Variants in SRBD1 observed in about 807,000 individuals in gnomAD.
SRBD1 encodes S1 RNA binding domain 1.
In SRBD1, 88 loss-of-function variants were observed where a neutral mutation model predicts 115.3. The observed-to-expected ratio is 0.76, with a 90% CI of 0.64 to 0.91. The LOEUF (loss-of-function observed/expected upper bound fraction) is 0.91, where lower values mean the gene tolerates loss of function less well. Ranked by LOEUF, SRBD1 falls within the 40% of genes least tolerant of loss-of-function variation. SRBD1 has a pLI of 0.00. For synonymous variants in SRBD1, 509 were observed against 407.7 expected (o/e 1.25, Z -2.99); for missense variants, 1,385 against 1,177.4 (o/e 1.18, Z -2.58).
Position 45,474,230 on chromosome 2 carries a change from T to A in SRBD1, c.2049+2763A>T, listed in dbSNP as rs534279926. Among the ~76,000 whole-genome samples the A allele has an allele frequency of 7.2e-5, 11 of 152,356 alleles. No individual in the cohort carries two copies. The East Asian group carries it at 2.1e-3, about 29-fold the overall frequency. ...ACTTATTCATTGTCTCACTCGCTAT[T>A]ACTTTTTGTTTATTAAGTTTGGTGC... On this transcript the variant is annotated intron_variant, in intron 16 of 20. Coordinates refer to ENST00000263736, the MANE Select transcript of SRBD1 (RefSeq NM_018079.5).
At chr2:45,473,320 T>C (rs1558418728) in intron 16 of SRBD1, among the ~76,000 whole-genome samples, 1 of 152,210 alleles carries the variant, frequency 6.6e-6, no homozygotes, top group Non-Finnish European at 1.5e-5. Flanking sequence ...CTTTTTCTTC[T>C]ACTCTCCCAT....
At chr2:45,586,352 T>C (rs1673521467) in intron 4 of SRBD1, among the ~76,000 whole-genome samples, 2 of 152,136 alleles carry the variant, frequency 1.3e-5, no homozygotes, top group African/African-American at 2.4e-5. Flanking sequence ...AAATATGTTA[T>C]GCCCATACTA....
rs547259233 is a variant in SRBD1, at chr2:45,434,603, G to T, written c.2050-14709C>A. On this transcript the variant is annotated intron_variant, in intron 16 of 20. Transcript: ENST00000263736. ...AGATTTCCTATACAATCAATTATGT[G>T]TTAGAATCAATTTAATCAATCACCT... 1.5e-3 allele frequency among the ~76,000 whole-genome samples: 229 copies of T among 152,148 alleles called. 1 individual carries two copies. Among genetic ancestry groups the T allele is most frequent in the African/African-American group, 5.4e-3 (225 of 41,502 alleles).
At chr2:45,528,127 A>T (rs374391845) in intron 14 of SRBD1, among the ~76,000 whole-genome samples, 7 of 151,922 alleles carry the variant, frequency 4.6e-5, no homozygotes, top group African/African-American at 1.7e-4. Context: ...ACTGTTGATT[A>T]CATAATTCTT....
intron 19 of SRBD1, among the ~76,000 whole-genome samples, chr2:45,396,210 A>AAT (rs1233860585): frequency 1.3e-5 from 2 of 152,146 alleles, no homozygotes; most frequent in African/African-American, 2.4e-5. Context: ...TGCCACACAC[A>AAT]ATATATATGT....
rs755145942 is a variant in SRBD1 at position 45,574,727 on chromosome 2, T to C, written c.1073-4A>G. The C allele has an allele frequency of 1.2e-6, 2 of 1,605,056 alleles. No homozygotes were observed. The highest frequency in any genetic ancestry group is 2.7e-5 in the African/African-American group (2 of 74,316). ...ATATCCTGAAGCGTTGAAAGCCCTTTAGGAGAAGGGTAAAAAGGAAAACAA... is the reference window on the plus strand; with the variant it reads ...ATATCCTGAAGCGTTGAAAGCCCTTCAGGAGAAGGGTAAAAAGGAAAACAA... On this transcript the variant is annotated splice_region_variant and splice_polypyrimidine_tract_variant and intron_variant, in intron 7 of 20. Coordinates refer to ENST00000263736, the MANE Select transcript of SRBD1 (RefSeq NM_018079.5).
intron 16 of SRBD1, among the ~76,000 whole-genome samples, chr2:45,475,398 A>C (rs1411166613): frequency 6.6e-6 from 1 of 152,200 alleles, no homozygotes; most frequent in East Asian, 1.9e-4. Flanking sequence ...AATGCTTAAA[A>C]ATATAAATCA....
chr2:45,418,710 A>G (rs1406298692), intron 17 of SRBD1, among the ~76,000 whole-genome samples, 169 bp from the exon 18 acceptor site: 1 of 152,036 alleles, frequency 6.6e-6, no homozygotes, highest in African/African-American at 2.4e-5. Flanking sequence ...GGAGAAAAAA[A>G]GAGTTGTGCA....
At chr2:45,446,641 C>A (rs1388379446) in intron 16 of SRBD1, among the ~76,000 whole-genome samples, 1 of 150,810 alleles carries the variant, frequency 6.6e-6, no homozygotes, top group African/African-American at 2.4e-5. Context: ...ACAAAAGGTA[C>A]AAGAAGTGTT....
chr2:45,587,927 C>G (rs564629618), intron 4 of SRBD1, among the ~76,000 whole-genome samples: 8 of 152,258 alleles, frequency 5.3e-5, no homozygotes, highest in Non-Finnish European at 8.8e-5. Flanking sequence ...TTATGCTATT[C>G]AAATGGCAAT....
chr2:45,400,738 T>C (rs1667269947), intron 19 of SRBD1, among the ~76,000 whole-genome samples: 1 of 152,104 alleles, frequency 6.6e-6, no homozygotes, highest in Non-Finnish European at 1.5e-5. Context: ...CTAAGTATTC[T>C]ACATATATTA....
intron 9 of SRBD1, among the ~76,000 whole-genome samples, chr2:45,566,155 C>T (rs1237337134): frequency 2.0e-5 from 3 of 152,084 alleles, no homozygotes; most frequent in Non-Finnish European, 2.9e-5. Flanking sequence ...TATGGCAGTT[C>T]CTCAAAAGGT....
chr2:45,550,829 C>T (rs1212360586), intron 12 of SRBD1, among the ~76,000 whole-genome samples: 1 of 152,074 alleles, frequency 6.6e-6, no homozygotes, highest in Non-Finnish European at 1.5e-5. Flanking sequence ...ATAAATGCAT[C>T]ACAATAATAG....
intron 14 of SRBD1, among the ~76,000 whole-genome samples, chr2:45,536,731 A>C (rs1671775481): frequency 6.6e-6 from 1 of 152,162 alleles, no homozygotes; most frequent in South Asian, 2.1e-4. Flanking sequence ...ATGTGTTCTC[A>C]GAACCATTCC....
chr2:45,533,821 G>A (rs1050919718), intron 14 of SRBD1, among the ~76,000 whole-genome samples: 1 of 152,016 alleles, frequency 6.6e-6, no homozygotes, highest in Non-Finnish European at 1.5e-5. Context: ...TGTCTAAACA[G>A]GACATCTGTT....
intron 4 of SRBD1, among the ~76,000 whole-genome samples, chr2:45,594,132 G>A (rs1447216612): frequency 2.6e-5 from 4 of 152,240 alleles, no homozygotes; most frequent in South Asian, 2.1e-4. Context: ...AACCTAATAA[G>A]TGGTTCCACC....
At chr2:45,530,220 G>A (rs1477399655) in intron 14 of SRBD1, among the ~76,000 whole-genome samples, 1 of 151,996 alleles carries the variant, frequency 6.6e-6, no homozygotes, top group Non-Finnish European at 1.5e-5. Flanking sequence ...CTGCTAACCT[G>A]ATGACTCATT....
intron 1 of SRBD1, among the ~76,000 whole-genome samples, chr2:45,607,407 T>C (rs183135028): frequency 2.2e-4 from 33 of 152,296 alleles, no homozygotes; most frequent in Admixed American, 6.5e-4. Context: ...CAATAACTAA[T>C]AGTTTAAAAT....
chr2:45,559,881 G>A (rs944649728), intron 10 of SRBD1, among the ~76,000 whole-genome samples: 4 of 152,096 alleles, frequency 2.6e-5, no homozygotes, highest in African/African-American at 9.7e-5. Flanking sequence ...AGGAGTTTGA[G>A]AACAGCCTGG....
Sources: allele counts gnomAD v4.1 joint callset (sites outside exome capture counted in the v4.1 genomes callset), GRCh38; gene constraint gnomAD v4.1.1; transcripts MANE v1.5; gene names NCBI Gene and HGNC (gene_info 2026-07-23, HGNC 2026-07-21).